Variants in CDH8 observed in about 807,000 individuals in gnomAD.
CDH8 encodes the protein cadherin 8.
A neutral mutation model predicts 68.1 loss-of-function variants in CDH8; 17 were observed. That is an observed-to-expected ratio of 0.25 (90% CI 0.17 to 0.37). The LOEUF (loss-of-function observed/expected upper bound fraction) is 0.37. Among genes scored for constraint, CDH8 ranks in the 10% least tolerant of loss-of-function variants. The probability of loss-of-function intolerance (pLI) is 1.00; values close to 1 mark genes in which losing one functional copy is unlikely to be tolerated. For missense variants in CDH8, 763 were observed against 999.3 expected (o/e 0.76, Z 3.19); for synonymous variants, 372 against 365.1 (o/e 1.02, Z -0.21).
intron 2 of CDH8, among the ~76,000 whole-genome samples, chr16:61,976,020 A>G (rs1386334984): frequency 2.0e-5 from 3 of 152,160 alleles, no homozygotes; most frequent in African/African-American, 7.2e-5. Context: ...TGCAGACAAG[A>G]ACTAACATAA....
chr16:61,907,551 A>G (rs937364583), intron 2 of CDH8, among the ~76,000 whole-genome samples: 4 of 151,856 alleles, frequency 2.6e-5, no homozygotes, highest in Non-Finnish European at 5.9e-5. Flanking sequence ...ATGGTGGTGC[A>G]CGCCTGCAGT....
In CDH8 at chr16:61,653,929, T is replaced by C. The variant is rs1305643734; in HGVS notation, c.2079A>G (p.Gly693=). 1 of 1,614,196 alleles carries C rather than the reference T, an allele frequency of 6.2e-7. No homozygotes were observed. The highest frequency in any genetic ancestry group is 8.5e-7 in the Non-Finnish European group (1 of 1,180,030). Reference sequence around the variant, plus strand: ...GTTTAATATCCTTACGGGGTAAAAATCCATTAATTCCATCTGGATTTTGTA... The same window carrying C: ...GTTTAATATCCTTACGGGGTAAAAACCCATTAATTCCATCTGGATTTTGTA... ...ATLQNPDGIN[G]FLPRKDIKPD... Residue 693 remains glycine (G), a synonymous_variant, in exon 12 of 12, where the codon GGA becomes GGG. Coordinates refer to ENST00000577390, the MANE Select transcript of CDH8 (RefSeq NM_001796.5).
At chr16:61,686,859 G>T (rs1251243885) in intron 10 of CDH8, among the ~76,000 whole-genome samples, 1 of 151,860 alleles carries the variant, frequency 6.6e-6, no homozygotes, top group Non-Finnish European at 1.5e-5. Flanking sequence ...GTGTCCTTTT[G>T]AGGTTTGAAA....
intron 4 of CDH8, among the ~76,000 whole-genome samples, chr16:61,837,255 G>A (rs1233668699): frequency 6.6e-6 from 1 of 151,802 alleles, no homozygotes; most frequent in Non-Finnish European, 1.5e-5. Flanking sequence ...ATTGCACCTC[G>A]TTTTCCCTTT....
At chr16:61,863,239 A>T (rs1438323885) in intron 3 of CDH8, among the ~76,000 whole-genome samples, 1 of 152,086 alleles carries the variant, frequency 6.6e-6, no homozygotes, top group Non-Finnish European at 1.5e-5. Flanking sequence ...CTCGGATTTT[A>T]ATTAACAAAA....
At position 61,650,671 on chromosome 16, in the gene CDH8, T is replaced by TTGTGTGTGTG. The variant is rs138542426; in HGVS notation, c.*2927_*2936dup. 1.1e-4 allele frequency: 15 copies of TTGTGTGTGTG among 137,968 alleles called. No individual in the cohort carries two copies. Among genetic ancestry groups the TTGTGTGTGTG allele is most frequent in the African/African-American group, 4.1e-4 (15 of 36,602 alleles). 8.5% of individuals were successfully genotyped at this position (137,968 alleles called of 1,614,324 possible). A position where few individuals can be genotyped will look rare whatever the true frequency, so the allele number is the denominator to read the frequency against. Reference sequence around the variant, plus strand: ...AAAATGTGTGTTTTTTATTTGTTTGTTGTGTGTGTGTGTGTGTGTGTGTGT... The same window carrying TTGTGTGTGTG: ...AAAATGTGTGTTTTTTATTTGTTTGTTGTGTGTGTGTGTGTGTGTGTGTGTGTGTGTGTGT... On this transcript the variant is annotated 3_prime_UTR_variant, in exon 12 of 12. Transcript: ENST00000577390.
rs766629695 is a variant in CDH8, at chr16:61,653,918, C to T, written c.2090G>A (p.Arg697His). The T allele has an allele frequency of 8.1e-6, 13 of 1,614,058 alleles. No homozygotes were observed. Among genetic ancestry groups the T allele is most frequent in the Admixed American group, 1.7e-5 (1 of 59,998 alleles). Residue 697 changes from arginine (R) to histidine (H), a missense_variant, in exon 12 of 12, where the codon CGT becomes CAT. Transcript: ENST00000577390. The stretch of plus-strand genomic sequence containing the variant: ...CTGCAAATCTGGTTTAATATCCTTA[C>T]GGGGTAAAAATCCATTAATTCCATC... Reference protein sequence around the residue: ...NPDGINGFLPRKDIKPDLQFM... With the variant: ...NPDGINGFLPHKDIKPDLQFM...
intron 8 of CDH8, among the ~76,000 whole-genome samples, chr16:61,727,793 A>G (rs1959418156): frequency 6.6e-6 from 1 of 151,140 alleles, no homozygotes; most frequent in East Asian, 1.9e-4. Context: ...ATCCCAAGTG[A>G]TTTTAATATT....
intron 2 of CDH8, among the ~76,000 whole-genome samples, chr16:61,979,276 G>A (rs1965492201): frequency 6.6e-6 from 1 of 152,310 alleles, no homozygotes; most frequent in Non-Finnish European, 1.5e-5. Context: ...CAGGTGGATT[G>A]AAGAAATGTG....
At chr16:61,922,545 A>G (rs1377075975) in intron 2 of CDH8, among the ~76,000 whole-genome samples, 1 of 152,168 alleles carries the variant, frequency 6.6e-6, no homozygotes, top group Non-Finnish European at 1.5e-5. Context: ...AGATAATGAC[A>G]TGCCAATTTT....
At chr16:62,033,709 A>T (rs1164452333) in intron 1 of CDH8, among the ~76,000 whole-genome samples, 2 of 152,154 alleles carry the variant, frequency 1.3e-5, no homozygotes, top group Non-Finnish European at 2.9e-5. Context: ...TGGTCAGGGG[A>T]TAACTTGACA....
chr16:61,763,719 T>C (rs1478372222), intron 8 of CDH8, among the ~76,000 whole-genome samples: 2 of 151,908 alleles, frequency 1.3e-5, no homozygotes, highest in African/African-American at 2.4e-5. Flanking sequence ...TCACATAGAG[T>C]AGATAGATTT....
chr16:61,706,501 G>A (rs1964535484), intron 10 of CDH8, among the ~76,000 whole-genome samples: 1 of 151,752 alleles, frequency 6.6e-6, no homozygotes, highest in Non-Finnish European at 1.5e-5. Flanking sequence ...GGCGCCTGTA[G>A]TCCCGGCTAC....
Position 61,727,097 on chromosome 16 carries a change from G to T in CDH8, c.1533C>A (p.Gly511=), listed in dbSNP as rs1290123709. ...EAFLCENGKP[G]QVIQTVSAMD... is the part of the protein sequence containing the mutation. The stretch of plus-strand genomic sequence containing the variant: ...TTAACAACATGGAGATATTTACTTG[G>T]CCGGGTTTTCCATTTTCACATAAAA... The change falls in exon 9 of 12, where the codon GGC becomes GGA. Residue 511 remains glycine, a synonymous_variant. Transcript: ENST00000577390. The T allele has an allele frequency of 3.1e-6, 5 of 1,610,484 alleles. No individual in the cohort carries two copies. In the Admixed American group the frequency reaches 8.4e-5, roughly 27 times the overall value.
At position 61,652,495 on chromosome 16, in the gene CDH8, G is replaced by A. The variant is rs4131634; in HGVS notation, c.*1113C>T. On this transcript the variant is annotated 3_prime_UTR_variant, in exon 12 of 12. Coordinates refer to ENST00000577390, the MANE Select transcript of CDH8 (RefSeq NM_001796.5). ...AAAATAGAAAACAGTCCAAAAGTTTGTCTGGGAAGATGCTGTTCCTGCCAT... is the reference window on the plus strand; with the variant it reads ...AAAATAGAAAACAGTCCAAAAGTTTATCTGGGAAGATGCTGTTCCTGCCAT... The A allele has an allele frequency of 0.29, 285,424 of 992,144 alleles. 42,991 individuals carry two copies. Among genetic ancestry groups the A allele is most frequent in the African/African-American group, 0.45 (26,009 of 57,702 alleles). 61.5% of individuals were successfully genotyped at this position (992,144 alleles called of 1,614,324 possible).
chr16:61,800,013 A>G (rs937804754), intron 7 of CDH8, among the ~76,000 whole-genome samples: 1 of 152,032 alleles, frequency 6.6e-6, no homozygotes, highest in Non-Finnish European at 1.5e-5. Flanking sequence ...GGGTCAAGTG[A>G]TCCTCTTGCC....
rs371283492 is a variant in CDH8, at chr16:61,678,633, C to G, written c.1655-22912G>C. ...ATGGTGGTTTGCTGCACCCATCAAC[C>G]AAAAGAACAAAGCTGGAGGTATCAT... On this transcript the variant is annotated intron_variant, in intron 10 of 11. Coordinates refer to ENST00000577390, the MANE Select transcript of CDH8 (RefSeq NM_001796.5). Among the ~76,000 whole-genome samples the G allele has an allele frequency of 4.6e-5, 7 of 152,012 alleles. No homozygotes were observed. The East Asian group carries it at 1.4e-3, about 29-fold the overall frequency.
chr16:61,896,844 AC>A (rs1567518260), intron 3 of CDH8, among the ~76,000 whole-genome samples: 1 of 152,104 alleles, frequency 6.6e-6, no homozygotes. Context: ...TTTACATTGT[AC>A]TTTGTCATGC....
intron 2 of CDH8, among the ~76,000 whole-genome samples, chr16:62,000,053 CAT>C (rs988793742): frequency 1.1e-4 from 16 of 151,462 alleles, no homozygotes; most frequent in East Asian, 2.0e-4. Context: ...TAAGTGAAAA[CAT>C]GTGGTGTTTG....
Sources: allele counts gnomAD v4.1 joint callset (sites outside exome capture counted in the v4.1 genomes callset), GRCh38; gene constraint gnomAD v4.1.1; transcripts MANE v1.5; gene names NCBI Gene and HGNC (gene_info 2026-07-23, HGNC 2026-07-21).